PHIP: variants seen among roughly 807,000 people sequenced by gnomAD.
PHIP encodes the protein PHIP subunit of CUL4-Ring ligase complex, also known as PH-interacting protein.
Under a neutral mutation model 236.8 loss-of-function variants are expected in PHIP, and 54 were observed. The observed-to-expected ratio is 0.23, with a 90% CI of 0.18 to 0.29. PHIP has a LOEUF of 0.29. PHIP is among the 10% of genes least tolerant of loss of function. PHIP has a pLI of 1.00. For missense variants in PHIP, 1,370 were observed against 2,190.8 expected (o/e 0.63, Z 7.48); for synonymous variants, 756 against 718.9 (o/e 1.05, Z -0.83).
chr6:78,992,209 C>T (rs982878117), intron 19 of PHIP, among the ~76,000 whole-genome samples: 3 of 152,084 alleles, frequency 2.0e-5, no homozygotes, highest in African/African-American at 7.2e-5. Context: ...TGATCCCCCC[C>T]ACCTCGGCCT....
chr6:79,010,623 G>A (rs957586898), intron 15 of PHIP, among the ~76,000 whole-genome samples: 1 of 151,736 alleles, frequency 6.6e-6, no homozygotes, highest in Non-Finnish European at 1.5e-5. Flanking sequence ...AGTAATGACA[G>A]AAATAGAAAG....
chr6:78,945,421 G>A lies in PHIP; in HGVS notation c.4707C>T (p.Gly1569=), dbSNP rs556842979. The change falls in exon 39 of 40, where the codon GGC becomes GGT. Residue 1569 remains glycine (G), a synonymous_variant. Transcript: ENST00000275034. ...TTTCTTTTGCAGAATTATTCCTAGTGCCATGACTAAAACTGGATTGACCAG... is the reference window on the plus strand; with the variant it reads ...TTTCTTTTGCAGAATTATTCCTAGTACCATGACTAAAACTGGATTGACCAG... The part of the protein sequence containing the change: ...SSPGQSSFSH[G]TRNNSAKENM... 1 of 1,610,978 alleles carries A rather than the reference G, an allele frequency of 6.2e-7. No individual in the cohort carries two copies. Among genetic ancestry groups the A allele is most frequent in the South Asian group, 1.1e-5 (1 of 91,008 alleles).
At chr6:79,008,807 A>T (rs185206838) in intron 15 of PHIP, among the ~76,000 whole-genome samples, 1 of 152,242 alleles carries the variant, frequency 6.6e-6, no homozygotes, top group East Asian at 1.9e-4. Flanking sequence ...CGCAATAAAC[A>T]TTATTACAAA....
intron 7 of PHIP, among the ~76,000 whole-genome samples, chr6:79,029,397 G>A (rs1771554487): frequency 6.6e-6 from 1 of 152,086 alleles, no homozygotes; most frequent in Non-Finnish European, 1.5e-5. Flanking sequence ...TGAATTCAAT[G>A]AAACTCTTTT....
Position 78,935,399 on chromosome 6 carries a change from A to T in PHIP, c.*5294T>A. On this transcript the variant is annotated 3_prime_UTR_variant, in exon 40 of 40. Coordinates refer to ENST00000275034, the MANE Select transcript of PHIP (RefSeq NM_017934.7). ...TTCTTAGTCAATAAAAATGCATGCC[A>T]ATCTGACAAAATTTCTAGGAAAACT... is the stretch of plus-strand genomic sequence containing the variant. 1.7e-6 allele frequency: 1 copy of T among 604,630 alleles called. No homozygotes were observed. The highest frequency in any genetic ancestry group is 2.1e-6 in the Non-Finnish European group (1 of 482,408). 37.5% of individuals were successfully genotyped at this position (604,630 alleles called of 1,614,324 possible). A position where few individuals can be genotyped will look rare whatever the true frequency, so the allele number is the denominator to read the frequency against.
intron 4 of PHIP, among the ~76,000 whole-genome samples, chr6:79,075,746 T>C (rs1774124239): frequency 6.6e-6 from 1 of 152,002 alleles, no homozygotes; most frequent in Admixed American, 6.6e-5. Flanking sequence ...TACCAAAAGA[T>C]TAAGAAAATG....
intron 19 of PHIP, among the ~76,000 whole-genome samples, chr6:78,997,006 T>A (rs1433812068): frequency 6.6e-6 from 1 of 150,962 alleles, no homozygotes; most frequent in South Asian, 2.1e-4. Flanking sequence ...CTTTTTGTAT[T>A]TTCCAATTTA....
rs2127695037 is a variant in PHIP at position 78,958,585 on chromosome 6, T to C, written c.3672A>G (p.Leu1224=). Residue 1224 remains leucine, a synonymous_variant, in exon 32 of 40, where the codon CTA becomes CTG. Transcript: ENST00000275034. ...ENRFYRRVSS[L]MWEVRYIEHN... ...GCTCTATATATCGAACTTCCCACAT[T>C]AGGGAAGAAACCCGCCTTAAAAAAA... 6.4e-7 allele frequency: 1 copy of C among 1,569,068 alleles called. No homozygotes were observed. The highest frequency in any genetic ancestry group is 1.7e-5 in the Admixed American group (1 of 58,366).
chr6:78,998,423 T>G (rs928195934), intron 17 of PHIP, 32 bp from the exon 18 acceptor site: 1 of 1,595,850 alleles, frequency 6.3e-7, no homozygotes, highest in Non-Finnish European at 8.6e-7. Context: ...ATTACGAATA[T>G]TTTAGCTACT....
Position 79,066,110 on chromosome 6 carries a change from A to G in PHIP, c.190-5292T>C, listed in dbSNP as rs150164642. Among the ~76,000 whole-genome samples, 897 of 152,196 alleles carry G rather than the reference A, an allele frequency of 5.9e-3. 4 individuals are homozygous for G. The highest frequency in any genetic ancestry group is 0.02 in the African/African-American group (827 of 41,524). On this transcript the variant is annotated intron_variant, in intron 4 of 39. Transcript: ENST00000275034. ...TGGTTTCTCAGTAATCTGCCATACA[A>G]TATTATTTCAGGGGAAAAATAACCC...
chr6:78,998,873 A>G (rs571109177), intron 17 of PHIP, among the ~76,000 whole-genome samples: 4 of 152,272 alleles, frequency 2.6e-5, no homozygotes, highest in African/African-American at 9.6e-5. Context: ...GTTAGGAACT[A>G]CGCCAGGTAC....
In PHIP at chr6:78,988,280, G is replaced by A. The variant is rs760452167; in HGVS notation, c.2389C>T (p.Arg797Cys). 3.1e-6 allele frequency: 5 copies of A among 1,607,046 alleles called. No homozygotes were observed. Among genetic ancestry groups the A allele is most frequent in the Admixed American group, 1.7e-5 (1 of 59,810 alleles). Residue 797 changes from arginine (R) to cysteine (C), a missense_variant, in exon 21 of 40, where the codon CGT becomes TGT. Arg to Cys is a radical substitution (Grantham distance 180, BLOSUM62 -3). Transcript: ENST00000275034. ...KKQQTNQHNY[R>C]TRSALEETPR... Reference sequence around the variant, plus strand: ...GTCTCTTCCAATGCAGATCTTGTACGATAATTGTGTTGATTTGTCTGTTGC... The same window carrying A: ...GTCTCTTCCAATGCAGATCTTGTACAATAATTGTGTTGATTTGTCTGTTGC...
intron 15 of PHIP, among the ~76,000 whole-genome samples, chr6:79,006,270 C>A (rs1018794599): frequency 1.3e-5 from 2 of 151,946 alleles, no homozygotes; most frequent in Non-Finnish European, 1.5e-5. Flanking sequence ...ACAATAAACA[C>A]CCATATCTAT....
chr6:78,988,874 TAGGC>T (rs942246836), intron 20 of PHIP, among the ~76,000 whole-genome samples: 6 of 152,102 alleles, frequency 3.9e-5, no homozygotes, highest in Non-Finnish European at 8.8e-5. Flanking sequence ...GCATATGTAA[TAGGC>T]AGAGGCAAAT....
chr6:79,014,136 C>T (rs1184277728), intron 15 of PHIP, among the ~76,000 whole-genome samples: 2 of 151,426 alleles, frequency 1.3e-5, no homozygotes, highest in Non-Finnish European at 3.0e-5. Flanking sequence ...CTATTTCCCT[C>T]ACTAAAAAAT....
Position 78,966,322 on chromosome 6 carries a change from G to A in PHIP, c.3206-266C>T, listed in dbSNP as rs146829335. 6.3e-3 allele frequency among the ~76,000 whole-genome samples: 965 copies of A among 152,102 alleles called. 19 individuals carry two copies. Among genetic ancestry groups the A allele is most frequent in the African/African-American group, 0.022 (909 of 41,504 alleles). ...GTATACAGAAATTCACTTGTTTTAG[G>A]CATTTTTACCAATCTAGCATTTGAA... is the stretch of plus-strand genomic sequence containing the variant. On this transcript the variant is annotated intron_variant, in intron 27 of 39. Transcript: ENST00000275034.
At position 78,978,619 on chromosome 6, in the gene PHIP, A is replaced by G. The variant is rs1768282244; in HGVS notation, c.2862T>C (p.Cys954=). ...CATCACCCATCTGTGGCACAAATGGACATCTTCGGGGAATGGTATCTGTAA... is the reference window on the plus strand; with the variant it reads ...CATCACCCATCTGTGGCACAAATGGGCATCTTCGGGGAATGGTATCTGTAA... ...TWITDTIPRR[C]PFVPQMGDEV... The change falls in exon 24 of 40, where the codon TGT becomes TGC. Residue 954 remains cysteine (C), a synonymous_variant. Coordinates refer to ENST00000275034, the MANE Select transcript of PHIP (RefSeq NM_017934.7). The G allele has an allele frequency of 4.4e-6, 7 of 1,591,480 alleles. No homozygotes were observed. The highest frequency in any genetic ancestry group is 1.3e-5 in the African/African-American group (1 of 74,680).
chr6:78,969,781 A>C, intron 27 of PHIP, 54 bp downstream of exon 27: 1 of 800,476 alleles, frequency 1.2e-6, no homozygotes, highest in Non-Finnish European at 2.0e-6. Context: ...TAAATCACTT[A>C]CTAAGAAAAA....
chr6:79,067,645 G>A (rs1477844771), intron 4 of PHIP: 1 of 152,098 alleles, frequency 6.6e-6, no homozygotes, highest in Non-Finnish European at 1.5e-5. Context: ...CAGATCTCCT[G>A]CACAATTTAC....
Sources: allele counts gnomAD v4.1 joint callset (sites outside exome capture counted in the v4.1 genomes callset), GRCh38; gene constraint gnomAD v4.1.1; transcripts MANE v1.5; gene names NCBI Gene and HGNC (gene_info 2026-07-23, HGNC 2026-07-21).